Variants in IQSEC1 observed in about 807,000 individuals in gnomAD.
IQSEC1 encodes the protein IQ motif and Sec7 domain ArfGEF 1.
A neutral mutation model predicts 91.0 loss-of-function variants in IQSEC1; 31 were observed. The ratio of observed to expected loss-of-function variants is 0.34; its 90% CI spans 0.26 to 0.46. The LOEUF (loss-of-function observed/expected upper bound fraction) is 0.46, where lower values mean the gene tolerates loss of function less well. Ranked by LOEUF, IQSEC1 falls within the 20% of genes least tolerant of loss-of-function variation. The pLI is 1.00. For synonymous variants in IQSEC1, 699 were observed against 662.6 expected, an observed-to-expected ratio of 1.05 and a Z score of -0.84; for missense variants, 1,388 against 1,575.6, an observed-to-expected ratio of 0.88 and a Z score of 2.02.
At chr3:13,121,861 C>T (rs988343675) in intron 2 of IQSEC1, among the ~76,000 whole-genome samples, 5 of 152,200 alleles carry the variant, frequency 3.3e-5, no homozygotes, top group East Asian at 1.9e-4. Flanking sequence ...GCCAGGGGCA[C>T]ACCAGAGCAC....
At chr3:13,155,325 T>A (rs1707068509) in intron 2 of IQSEC1, among the ~76,000 whole-genome samples, 1 of 152,170 alleles carries the variant, frequency 6.6e-6, no homozygotes, top group East Asian at 1.9e-4. Context: ...TGTAGAAATA[T>A]AAGGATTATA....
chr3:13,219,511 G>T (rs1694616868), intron 1 of IQSEC1, among the ~76,000 whole-genome samples: 1 of 152,270 alleles, frequency 6.6e-6, no homozygotes, highest in Non-Finnish European at 1.5e-5. Flanking sequence ...GGCACATGAA[G>T]CAGACGCACC....
Position 12,975,189 on chromosome 3 carries a change from C to T in IQSEC1, c.24-33324G>A, listed in dbSNP as rs187673542. Among the ~76,000 whole-genome samples, 214 of 152,330 alleles carry T rather than the reference C, an allele frequency of 1.4e-3. 2 individuals carry two copies. The highest frequency in any genetic ancestry group is 3.9e-3 in the Admixed American group (60 of 15,308). ...GTTCCTCCCCTTGCTTCACTATGGCCCTGGCACCTTGTACGGGGGCAAAAG... is the reference window on the plus strand; with the variant it reads ...GTTCCTCCCCTTGCTTCACTATGGCTCTGGCACCTTGTACGGGGGCAAAAG... On this transcript the variant is annotated intron_variant, in intron 1 of 13. Transcript: ENST00000613206.
chr3:13,122,287 C>T (rs549237773), intron 2 of IQSEC1, among the ~76,000 whole-genome samples: 10 of 152,348 alleles, frequency 6.6e-5, no homozygotes, highest in African/African-American at 1.4e-4. Context: ...TGCAAAGGCC[C>T]GGGACAGGGA....
intron 1 of IQSEC1, among the ~76,000 whole-genome samples, chr3:13,176,069 C>T (rs1055192023): frequency 6.6e-6 from 1 of 152,234 alleles, no homozygotes; most frequent in Non-Finnish European, 1.5e-5. Context: ...GTCTTGCTCT[C>T]TGTGATTGCT....
chr3:13,201,677 A>T (rs1694249455), intron 1 of IQSEC1, among the ~76,000 whole-genome samples: 1 of 152,180 alleles, frequency 6.6e-6, no homozygotes, highest in South Asian at 2.1e-4. Context: ...GAGTAGACCC[A>T]CGGGGTCACA....
In IQSEC1 at chr3:12,967,777, G is replaced by T; in HGVS notation, c.24-25912C>A. On this transcript the variant is annotated intron_variant, in intron 1 of 13. Transcript: ENST00000613206. The surrounding 1 kb of genome is among the most constrained non-coding windows in gnomAD (Gnocchi z 5.9). ...GGGCCGGAGGGCGAGCTGGGGGCGG[G>T]GCCGGAGGGCGAGCTGGGGGCGGGG... The T allele has an allele frequency of 3.6e-6, 3 of 842,346 alleles. No individual in the cohort carries two copies. The highest frequency in any genetic ancestry group is 4.3e-6 in the Non-Finnish European group (3 of 691,910). 52.2% of individuals were successfully genotyped at this position (842,346 alleles called of 1,614,324 possible). A position where few individuals can be genotyped will look rare whatever the true frequency, so the allele number is the denominator to read the frequency against.
chr3:13,168,874 A>G (rs1377896386), intron 1 of IQSEC1, among the ~76,000 whole-genome samples: 1 of 151,790 alleles, frequency 6.6e-6, no homozygotes, highest in African/African-American at 2.4e-5. Context: ...CTGCCATATT[A>G]CCCCATTCAT....
At chr3:13,074,984 C>T (rs916871587), upstream of IQSEC1, among the ~76,000 whole-genome samples, 3 of 152,182 alleles carry the variant, frequency 2.0e-5, no homozygotes, top group African/African-American at 4.8e-5. Context: ...GTTGGAGCTG[C>T]GGCCTCAGGT....
At position 13,097,281 on chromosome 3, in the gene IQSEC1, G is replaced by A. The variant is rs915452176; in HGVS notation, c.303-49759C>T. 5.3e-5 allele frequency among the ~76,000 whole-genome samples: 8 copies of A among 152,334 alleles called. No homozygotes were observed. In the South Asian group the frequency reaches 1.0e-3, roughly 20 times the overall value. ...AGGGAAGGTACCTTGCCTCCCACACGATTGGAAGAGCTGGGATTCGAATCC... is the reference window on the plus strand; with the variant it reads ...AGGGAAGGTACCTTGCCTCCCACACAATTGGAAGAGCTGGGATTCGAATCC... On this transcript the variant is annotated intron_variant, in intron 2 of 15. Coordinates refer to the IQSEC1 transcript ENST00000648114.
chr3:12,902,716 G>A, intron 13 of IQSEC1, 57 bp downstream of exon 13: 2 of 717,810 alleles, frequency 2.8e-6, no homozygotes, highest in Non-Finnish European at 2.5e-6. Context: ...GATATGAACT[G>A]AGGACTGGGG....
intron 1 of IQSEC1, among the ~76,000 whole-genome samples, chr3:12,949,265 GC>G (rs2125407879): frequency 6.6e-6 from 1 of 152,346 alleles, no homozygotes; most frequent in East Asian, 1.9e-4. Flanking sequence ...CTGGGGTTGT[GC>G]ACAGTTATGA....
rs1349461628 is a variant in IQSEC1, at chr3:12,924,332, AG to A, written c.1730+248del. On this transcript the variant is annotated intron_variant, in intron 4 of 13. Transcript: ENST00000613206. The surrounding 1 kb of genome is among the most constrained non-coding windows in gnomAD (Gnocchi z 6.3). ...GGGAGGGGCCAAGGGTGCATGCCAG[AG>A]GGTGGGCGGACAGGCAGTGGGGTTC... Among the ~76,000 whole-genome samples the A allele has an allele frequency of 6.6e-6, 1 of 152,042 alleles. No individual in the cohort carries two copies. Among genetic ancestry groups the A allele is most frequent in the Non-Finnish European group, 1.5e-5 (1 of 67,976 alleles).
Position 12,915,047 on chromosome 3 carries a change from C to G in IQSEC1, c.2190+57G>C. 3.2e-6 allele frequency: 5 copies of G among 1,557,382 alleles called. No individual in the cohort carries two copies. In the South Asian group the frequency reaches 5.8e-5, roughly 18 times the overall value. ...TGGGGAGCCGGCGGACTGGCTGATG[C>G]TGGGCCTCCCCAGGGCGGCGGGCTA... On this transcript the variant is annotated intron_variant, in intron 8 of 13. Transcript: ENST00000613206.
At position 12,899,300 on chromosome 3, in the gene IQSEC1, G is replaced by C; in HGVS notation, c.*1683C>G. The C allele has an allele frequency of 2.1e-6, 3 of 1,432,198 alleles. No homozygotes were observed. Among genetic ancestry groups the C allele is most frequent in the South Asian group, 2.4e-5 (2 of 82,920 alleles). 88.7% of individuals were successfully genotyped at this position (1,432,198 alleles called of 1,614,324 possible). A position where few individuals can be genotyped will look rare whatever the true frequency, so the allele number is the denominator to read the frequency against. On this transcript the variant is annotated 3_prime_UTR_variant, in exon 14 of 14. Coordinates refer to ENST00000613206, the MANE Select transcript of IQSEC1 (RefSeq NM_001134382.3). ...CGCTGTCCACTGGGAACGCGGCCCC[G>C]CGGCCCGCAGAGTCAGGCGTGAGCT...
intron 1 of IQSEC1, among the ~76,000 whole-genome samples, chr3:12,953,734 G>A (rs1699718550): frequency 6.6e-6 from 1 of 152,206 alleles, no homozygotes; most frequent in Non-Finnish European, 1.5e-5. Flanking sequence ...CGAATGCTCT[G>A]TACAGCTCCG....
rs1243564811 is a variant in IQSEC1, at chr3:12,945,734, C to T, written c.24-3869G>A. Among the ~76,000 whole-genome samples the T allele has an allele frequency of 2.0e-5, 3 of 152,166 alleles. No individual in the cohort carries two copies. The South Asian group carries it at 6.2e-4, about 32-fold the overall frequency. On this transcript the variant is annotated intron_variant, in intron 1 of 13. Coordinates refer to ENST00000613206, the MANE Select transcript of IQSEC1 (RefSeq NM_001134382.3). ...TCTTGATGGCCCCAATCAGCAACTA[C>T]GCAGTGCAGTATTAGACCCTAAAAA... is the stretch of plus-strand genomic sequence containing the variant.
At position 13,214,139 on chromosome 3, in the gene IQSEC1, T is replaced by C. The variant is rs1694497997; in HGVS notation, c.273-50006A>G. On this transcript the variant is annotated intron_variant, in intron 1 of 15. Coordinates refer to the IQSEC1 transcript ENST00000648114. This position sits in a 1 kb window ranked among gnomAD's most constrained non-coding sequence, Gnocchi z 4.5. ...TGCTATACTGGTCTCTCTGCTCCAG[T>C]GTCATTCTCCCCTCCTGCCAAAGGG... is the stretch of plus-strand genomic sequence containing the variant. 6.6e-6 allele frequency among the ~76,000 whole-genome samples: 1 copy of C among 152,182 alleles called. No homozygotes were observed. The highest frequency in any genetic ancestry group is 1.5e-5 in the Non-Finnish European group (1 of 68,034).
At chr3:13,163,388 T>C (rs1707214966) in intron 2 of IQSEC1, among the ~76,000 whole-genome samples, 1 of 152,192 alleles carries the variant, frequency 6.6e-6, no homozygotes, top group African/African-American at 2.4e-5. Context: ...CCGTGGGCTC[T>C]TAACTGCCTC....
Sources: gnomAD v4.1 joint callset for allele counts (sites outside exome capture counted in the v4.1 genomes callset) on GRCh38, gnomAD v4.1.1 for gene constraint, Gnocchi (gnomAD v3.1) non-coding constraint, MANE v1.5 for transcripts, NCBI Gene and HGNC (gene_info 2026-07-23, HGNC 2026-07-21) for gene names.